The following MBTD1 variants were observed in gnomAD, a reference collection of about 807,000 sequenced individuals.
MBTD1 encodes the protein MBT domain-containing protein 1.
A neutral mutation model predicts 87.8 loss-of-function variants in MBTD1; 24 were observed. The ratio of observed to expected loss-of-function variants is 0.27; its 90% confidence interval spans 0.20 to 0.38. The LOEUF is 0.38. Among genes scored for constraint, MBTD1 ranks in the 10% least tolerant of loss-of-function variants. The pLI, the probability that MBTD1 is intolerant of heterozygous loss-of-function variation, is 1.00. For missense variants in MBTD1, 436 were observed against 760.2 expected (o/e 0.57, Z 5.02); for synonymous variants, 237 against 248.6 (o/e 0.95, Z 0.44).
chr17:51,218,443 T>C (rs949300526), intron 5 of MBTD1, among the ~76,000 whole-genome samples: 1 of 149,848 alleles, frequency 6.7e-6, no homozygotes, highest in Admixed American at 6.7e-5. Flanking sequence ...ACATGAGAAT[T>C]GTTCGAACCC....
At chr17:51,232,036 A>T (rs1555693039) in intron 2 of MBTD1, among the ~76,000 whole-genome samples, 1 of 152,034 alleles carries the variant, frequency 6.6e-6, no homozygotes, top group Non-Finnish European at 1.5e-5. Context: ...CATTAAAAGG[A>T]TGAGTGAGAA....
At chr17:51,230,764 T>A (rs1039418778) in intron 2 of MBTD1, among the ~76,000 whole-genome samples, 1 of 152,188 alleles carries the variant, frequency 6.6e-6, no homozygotes, top group African/African-American at 2.4e-5. Flanking sequence ...GGCCAGATTA[T>A]GAGGGCCCTT....
chr17:51,218,680 G>A (rs1444193471), intron 5 of MBTD1, among the ~76,000 whole-genome samples: 3 of 151,854 alleles, frequency 2.0e-5, no homozygotes, highest in Admixed American at 6.6e-5. Context: ...ATCTGTACAT[G>A]AAAAGTAAAT....
At chr17:51,192,115 C>G in intron 16 of MBTD1, 88 bp downstream of exon 16, 1 of 969,452 alleles carries the variant, frequency 1.0e-6, no homozygotes, top group Non-Finnish European at 1.6e-6. Context: ...TCAGTTCTCA[C>G]AAGATATATC....
chr17:51,197,787 G>A (rs1028365308), intron 12 of MBTD1, among the ~76,000 whole-genome samples: 9 of 152,084 alleles, frequency 5.9e-5, no homozygotes, highest in East Asian at 1.9e-4. Flanking sequence ...GATTACTGGC[G>A]TGAGCTACCA....
In MBTD1 at chr17:51,225,135, A is replaced by G; in HGVS notation, c.27T>C (p.Ser9=). 4 of 1,549,834 alleles carry G rather than the reference A, an allele frequency of 2.6e-6. No individual in the cohort carries two copies. Among genetic ancestry groups the G allele is most frequent in the African/African-American group, 1.4e-5 (1 of 73,032 alleles). The change falls in exon 3 of 17, where the codon AGT becomes AGC. Residue 9 remains serine, a synonymous_variant. Transcript: ENST00000586178. ...AGCTGGAGCTGCTGCTTGTGTCCTC[A>G]CTGCAGCTATCATAACCGTCAAACA... The part of the protein sequence containing the change: MFDGYDSC[S]EDTSSSSSSE...
intron 2 of MBTD1, among the ~76,000 whole-genome samples, chr17:51,228,290 A>T (rs1482875066): frequency 6.6e-6 from 1 of 152,168 alleles, no homozygotes; most frequent in Non-Finnish European, 1.5e-5. Flanking sequence ...TAGGCTTAGT[A>T]TCTGGGTGAT....
chr17:51,250,236 T>TAA (rs908462902), intron 2 of MBTD1: 35 of 152,288 alleles, frequency 2.3e-4, no homozygotes, highest in African/African-American at 8.4e-4. Flanking sequence ...CATCCCATTA[T>TAA]ATTTTAGTTG....
rs932475012 is a variant in MBTD1, at chr17:51,188,443, T to C, written c.1768+3760A>G. Among the ~76,000 whole-genome samples, 3 of 152,196 alleles carry C rather than the reference T, an allele frequency of 2.0e-5. No homozygotes were observed. The East Asian group carries it at 5.8e-4, about 29-fold the overall frequency. On this transcript the variant is annotated intron_variant, in intron 16 of 16. Coordinates refer to ENST00000586178, the MANE Select transcript of MBTD1 (RefSeq NM_017643.3). The stretch of plus-strand genomic sequence containing the variant: ...CAAAGAATATACCACTAACAGATGA[T>C]CTTAAGTTCAAAAAGACCAACGAGC...
intron 2 of MBTD1, among the ~76,000 whole-genome samples, chr17:51,236,830 A>T (rs2053866066): frequency 6.6e-6 from 1 of 152,206 alleles, no homozygotes; most frequent in Non-Finnish European, 1.5e-5. Flanking sequence ...TTCATATGCC[A>T]AAATACCACT....
Position 51,195,266 on chromosome 17 carries a change from A to G in MBTD1, c.1320T>C (p.Ile440=). 6.2e-7 allele frequency: 1 copy of G among 1,613,678 alleles called. No individual in the cohort carries two copies. The highest frequency in any genetic ancestry group is 8.5e-7 in the Non-Finnish European group (1 of 1,179,772). The change falls in exon 13 of 17, where the codon ATT becomes ATC. Residue 440 remains isoleucine, a synonymous_variant. Transcript: ENST00000586178. ...WFCYHATSPS[I]FPVGFCEINM... is the part of the protein sequence containing the mutation. ...TAATTTCACAGAAACCGACAGGGAA[A>G]ATAGAAGGAGAGGTTGCATGGTAAC... is the stretch of plus-strand genomic sequence containing the variant.
At chr17:51,182,774 T>C (rs143456105) in intron 16 of MBTD1, among the ~76,000 whole-genome samples, 1 of 152,286 alleles carries the variant, frequency 6.6e-6, no homozygotes, top group African/African-American at 2.4e-5. Flanking sequence ...GGGGTGTAAA[T>C]TGGAAACTGC....
Position 51,201,582 on chromosome 17 carries a change from A to T in MBTD1, c.1224+10T>A. The T allele has an allele frequency of 6.5e-7, 1 of 1,536,154 alleles. No individual in the cohort carries two copies. Among genetic ancestry groups the T allele is most frequent in the Non-Finnish European group, 8.9e-7 (1 of 1,119,128 alleles). ...ATTGCATTTCTATATTTTAAAACCTATTATCTTACCTTTCTAATGGTTGCG... is the reference window on the plus strand; with the variant it reads ...ATTGCATTTCTATATTTTAAAACCTTTTATCTTACCTTTCTAATGGTTGCG... On this transcript the variant is annotated intron_variant, in intron 12 of 16. Coordinates refer to ENST00000586178, the MANE Select transcript of MBTD1 (RefSeq NM_017643.3).
intron 10 of MBTD1, 25 bp from the exon 11 acceptor site, chr17:51,202,102 T>C (rs1041122873): frequency 6.7e-7 from 1 of 1,487,392 alleles, no homozygotes; most frequent in African/African-American, 1.4e-5. Context: ...TACACACTAA[T>C]CTGTCAGCAT....
rs892945312 is a variant in MBTD1, at chr17:51,201,632, G to A, written c.1184C>T (p.Pro395Leu). ...KEGMKLEAID[P>L]LNLSTICVAT... is the part of the protein sequence containing the mutation. ...GACACATATTGTAGAAAGATTTAATGGGTCTATAGCTTCCAATTTCATTCC... is the reference window on the plus strand; with the variant it reads ...GACACATATTGTAGAAAGATTTAATAGGTCTATAGCTTCCAATTTCATTCC... Residue 395 changes from proline to leucine, a missense_variant, in exon 12 of 17, where the codon CCA (proline) becomes CTA (leucine). Pro to Leu is a moderately conservative substitution (Grantham distance 98). This residue lies in a region of MBTD1 where 268 missense variants were observed against 401.8 expected (regional missense o/e 0.67). Coordinates refer to ENST00000586178, the MANE Select transcript of MBTD1 (RefSeq NM_017643.3). The A allele has an allele frequency of 1.2e-6, 2 of 1,610,240 alleles. No homozygotes were observed. Among genetic ancestry groups the A allele is most frequent in the East Asian group, 2.2e-5 (1 of 44,710 alleles).
intron 16 of MBTD1, among the ~76,000 whole-genome samples, chr17:51,187,596 T>C (rs1179742729): frequency 6.6e-6 from 1 of 151,950 alleles, no homozygotes; most frequent in Non-Finnish European, 1.5e-5. Flanking sequence ...ACACCTATGA[T>C]CCCAGCACTT....
intron 2 of MBTD1, among the ~76,000 whole-genome samples, chr17:51,227,370 G>C (rs1460881642): frequency 1.3e-5 from 2 of 152,018 alleles, no homozygotes; most frequent in South Asian, 4.1e-4. Context: ...AGACTAGCCT[G>C]GGCAATATGG....
chr17:51,203,722 T>C, intron 8 of MBTD1, 69 bp downstream of exon 8: 1 of 1,495,218 alleles, frequency 6.7e-7, no homozygotes, highest in Non-Finnish European at 9.2e-7. Context: ...ACTCTAACAT[T>C]ACTATGTGTA....
intron 6 of MBTD1, among the ~76,000 whole-genome samples, chr17:51,216,344 A>G (rs1451569446): frequency 1.3e-5 from 2 of 152,240 alleles, no homozygotes; most frequent in Non-Finnish European, 2.9e-5. Context: ...AGTATTAATT[A>G]AAGTTGTAGT....
Sources: allele counts gnomAD v4.1 joint callset (sites outside exome capture counted in the v4.1 genomes callset), GRCh38; gene constraint gnomAD v4.1.1; regional missense constraint gnomAD v4.1.1; transcripts MANE v1.5; gene names NCBI Gene and HGNC (gene_info 2026-07-23, HGNC 2026-07-21).